Variants in GIGYF2 observed in about 807,000 individuals in gnomAD.
The protein encoded by GIGYF2 is GRB10 interacting GYF protein 2.
GIGYF2 carries 25 observed loss-of-function variants against 208.1 expected under a neutral mutation model. The ratio of observed to expected loss-of-function variants is 0.12; its 90% CI spans 0.09 to 0.17. The LOEUF is 0.17. Among genes scored for constraint, GIGYF2 ranks in the 10% least tolerant of loss-of-function variants. The probability of loss-of-function intolerance (pLI) is 1.00; values close to 1 mark genes in which losing one functional copy is unlikely to be tolerated. For missense variants in GIGYF2, 1,302 were observed against 1,579.4 expected (o/e 0.82, Z 2.98); for synonymous variants, 534 against 543.8 (o/e 0.98, Z 0.25).
At chr2:232,849,460 G>A (rs1334729125) in intron 27 of GIGYF2, among the ~76,000 whole-genome samples, 1 of 152,032 alleles carries the variant, frequency 6.6e-6, no homozygotes, top group Non-Finnish European at 1.5e-5. Context: ...TACCACGCCC[G>A]GCCCTAGGAA....
intron 2 of GIGYF2, among the ~76,000 whole-genome samples, chr2:232,725,352 C>T (rs1364483955): frequency 6.6e-6 from 1 of 152,138 alleles, no homozygotes; most frequent in Non-Finnish European, 1.5e-5. Flanking sequence ...CCAAAAGATC[C>T]TAGGTCTTTC....
chr2:232,770,658 C>T (rs1418412695), intron 8 of GIGYF2, among the ~76,000 whole-genome samples: 1 of 151,262 alleles, frequency 6.6e-6, no homozygotes, highest in East Asian at 1.9e-4. Flanking sequence ...TCATACTGAT[C>T]TCTTTTTTCT....
intron 28 of GIGYF2, among the ~76,000 whole-genome samples, chr2:232,854,806 G>T (rs2100053): frequency 0.68 from 103,777 of 151,996 alleles, 35,779 homozygotes; most frequent in African/African-American, 0.73. Context: ...ACTTGAACAT[G>T]AAAAAACAAG....
intron 2 of GIGYF2, among the ~76,000 whole-genome samples, chr2:232,720,242 G>T (rs1461321569): frequency 3.9e-5 from 6 of 152,142 alleles, no homozygotes; most frequent in African/African-American, 1.4e-4. Context: ...GTGGTTTCCA[G>T]CTTCATCTGT....
intron 22 of GIGYF2, among the ~76,000 whole-genome samples, chr2:232,833,767 G>C (rs1015938647): frequency 6.6e-6 from 1 of 152,154 alleles, no homozygotes; most frequent in African/African-American, 2.4e-5. Context: ...ACGTTCAGAT[G>C]TGTAAATGGG....
rs1701925440 is a variant in GIGYF2 at position 232,844,275 on chromosome 2, C to T, written c.3099+20C>T. On this transcript the variant is annotated intron_variant, in intron 24 of 28. Coordinates refer to ENST00000373563, the MANE Select transcript of GIGYF2 (RefSeq NM_001103146.3). ...AATACGGTGTGTGCATTTTCCTAAG[C>T]TGTCGTTGTATGGACTAGTATTATC... 1.2e-6 allele frequency: 2 copies of T among 1,603,390 alleles called. No individual in the cohort carries two copies. Among genetic ancestry groups the T allele is most frequent in the African/African-American group, 2.7e-5 (2 of 74,672 alleles).
chr2:232,703,635 T>C (rs1695953821), intron 2 of GIGYF2, 146 bp downstream of exon 2: 1 of 152,672 alleles, frequency 6.5e-6, no homozygotes, highest in African/African-American at 2.4e-5. Flanking sequence ...TGTCAGATCC[T>C]TTATGAACAG....
At chr2:232,835,587 G>A (rs1249005548) in intron 22 of GIGYF2, among the ~76,000 whole-genome samples, 1 of 152,034 alleles carries the variant, frequency 6.6e-6, no homozygotes. Context: ...GCAACTCTGG[G>A]TATCTCCACC....
chr2:232,719,621 G>A (rs900993489), intron 2 of GIGYF2, among the ~76,000 whole-genome samples: 13 of 151,942 alleles, frequency 8.6e-5, no homozygotes, highest in Non-Finnish European at 1.6e-4. Flanking sequence ...AAAATAAAGA[G>A]GAAGTCATGG....
intron 2 of GIGYF2, among the ~76,000 whole-genome samples, chr2:232,728,977 C>T (rs968417334): frequency 6.6e-6 from 1 of 150,432 alleles, no homozygotes; most frequent in Admixed American, 6.6e-5. Context: ...CCTTTCCCTT[C>T]TCTTTTTCTT....
intron 8 of GIGYF2, chr2:232,767,876 A>G: frequency 3.0e-6 from 1 of 335,780 alleles, no homozygotes; most frequent in Non-Finnish European, 5.6e-6. Flanking sequence ...CAGTTGTGTT[A>G]AACTTCACTG....
chr2:232,805,266 G>A (rs1700524448), intron 14 of GIGYF2, among the ~76,000 whole-genome samples: 1 of 151,992 alleles, frequency 6.6e-6, no homozygotes, highest in African/African-American at 2.4e-5. Context: ...CTGTAATCTT[G>A]CAGATTTTCT....
chr2:232,776,224 AAC>A (rs1699506838), intron 8 of GIGYF2, among the ~76,000 whole-genome samples: 1 of 152,218 alleles, frequency 6.6e-6, no homozygotes, highest in South Asian at 2.1e-4. Flanking sequence ...CATTTAATAA[AAC>A]AGTTAAGAAA....
chr2:232,796,128 C>T lies in GIGYF2; in HGVS notation c.1546C>T (p.Leu516=). Residue 516 remains leucine (L), a synonymous_variant, in exon 14 of 29, where the codon CTG becomes TTG. Coordinates refer to ENST00000373563, the MANE Select transcript of GIGYF2 (RefSeq NM_001103146.3). ...AGATGATGAAAGATTGGCATCAAAA[C>T]TGCAAGAGCACAGAGCTAAAGGAGT... ...ALDDERLASK[L]QEHRAKGVSI... The T allele has an allele frequency of 1.9e-6, 3 of 1,603,648 alleles. No homozygotes were observed. Among genetic ancestry groups the T allele is most frequent in the Non-Finnish European group, 2.6e-6 (3 of 1,170,498 alleles).
chr2:232,856,175 C>T (rs530434199), intron 28 of GIGYF2, among the ~76,000 whole-genome samples: 3 of 152,090 alleles, frequency 2.0e-5, no homozygotes, highest in East Asian at 1.9e-4. Context: ...CCTCATGATC[C>T]GCCTGCCTTG....
intron 28 of GIGYF2, among the ~76,000 whole-genome samples, chr2:232,856,366 C>T (rs1283373808): frequency 6.6e-6 from 1 of 152,148 alleles, no homozygotes; most frequent in Non-Finnish European, 1.5e-5. Context: ...TTATCTTTGT[C>T]TCCCTGTAAT....
intron 3 of GIGYF2, among the ~76,000 whole-genome samples, chr2:232,738,870 G>T (rs368012893): frequency 6.6e-6 from 1 of 152,128 alleles, no homozygotes; most frequent in Non-Finnish European, 1.5e-5. Context: ...CCACTAGAAG[G>T]ATTTTATGAA....
intron 2 of GIGYF2, among the ~76,000 whole-genome samples, chr2:232,715,820 C>CTTTTT (rs75526495): frequency 6.9e-6 from 1 of 143,942 alleles, no homozygotes. Flanking sequence ...GAAGAATTTC[C>CTTTTT]TTTTTTTTTT....
At chr2:232,829,358 T>A (rs2106405561) in intron 21 of GIGYF2, among the ~76,000 whole-genome samples, 1 of 152,350 alleles carries the variant, frequency 6.6e-6, no homozygotes, top group East Asian at 1.9e-4. Context: ...ATTTTTTTCC[T>A]TATTCCATTT....
Sources: gnomAD v4.1 joint callset for allele counts (sites outside exome capture counted in the v4.1 genomes callset) on GRCh38, gnomAD v4.1.1 for gene constraint, MANE v1.5 for transcripts, NCBI Gene and HGNC (gene_info 2026-07-23, HGNC 2026-07-21) for gene names.